Variants in NMS observed in about 807,000 individuals in gnomAD.
NMS encodes the protein neuromedin S, also known as neuromedin-S.
NMS carries 30 observed loss-of-function variants against 32.2 expected under a neutral mutation model. The observed-to-expected ratio is 0.93, with a 90% confidence interval of 0.70 to 1.26. The LOEUF is 1.26. Among genes scored for constraint, NMS ranks in the 50% most tolerant of loss-of-function variants. NMS has a pLI of 0.00. For synonymous variants in NMS, 76 were observed against 58.5 expected, an observed-to-expected ratio of 1.30 and a Z score of -1.37; for missense variants, 190 against 186.3, an observed-to-expected ratio of 1.02 and a Z score of -0.12.
intron 9 of NMS, among the ~76,000 whole-genome samples, chr2:100,482,531 G>T (rs182417675): frequency 9.0e-4 from 137 of 151,870 alleles, no homozygotes; most frequent in African/African-American, 2.9e-3. Context: ...GGGCAATATT[G>T]CAGCCTTCAC....
intron 5 of NMS, among the ~76,000 whole-genome samples, chr2:100,478,314 C>T (rs1473077274): frequency 1.3e-5 from 2 of 152,164 alleles, no homozygotes; most frequent in Non-Finnish European, 2.9e-5. Flanking sequence ...AACTCTACCA[C>T]TAGAAAGTCT....
intron 3 of NMS, among the ~76,000 whole-genome samples, chr2:100,474,819 A>G (rs1221006747): frequency 7.9e-5 from 12 of 152,204 alleles, no homozygotes; most frequent in Admixed American, 7.2e-4. Context: ...TTTACTATGC[A>G]TATGTTTGAA....
At chr2:100,482,409 A>C (rs1341696909) in intron 9 of NMS, 98 bp downstream of exon 9, 23 of 1,159,952 alleles carry the variant, frequency 2.0e-5, no homozygotes, top group Non-Finnish European at 1.4e-5. Flanking sequence ...GGGGAGGACC[A>C]TTGTTCAAGA....
chr2:100,475,333 T>C (rs1677088848), intron 3 of NMS, among the ~76,000 whole-genome samples: 1 of 152,152 alleles, frequency 6.6e-6, no homozygotes, highest in African/African-American at 2.4e-5. Flanking sequence ...AGCTCTAAGT[T>C]CACTCCTGTT....
At position 100,470,518 on chromosome 2, in the gene NMS, C is replaced by T. The variant is rs1676988792; in HGVS notation, c.30C>T (p.Leu10=). The change falls in exon 1 of 10, where the codon CTC becomes CTT. Residue 10 remains leucine (L), a synonymous_variant. Transcript: ENST00000376865. MKHLRPQFP[L]ILAIYCFCML... ...AACATCTTCGTCCCCAGTTCCCTCT[C>T]ATCTTGGCCATCTACTGCTTCTGCA... 6.2e-7 allele frequency: 1 copy of T among 1,613,998 alleles called. No individual in the cohort carries two copies. The highest frequency in any genetic ancestry group is 8.5e-7 in the Non-Finnish European group (1 of 1,179,896).
chr2:100,473,338 A>G (rs1383871621), intron 2 of NMS, 151 bp from the exon 3 acceptor site: 1 of 346,686 alleles, frequency 2.9e-6, no homozygotes, highest in Non-Finnish European at 5.4e-6. Context: ...GAGATATCCC[A>G]TAGATTATGG....
At chr2:100,481,918 C>T (rs1301644072) in intron 8 of NMS, among the ~76,000 whole-genome samples, 1 of 152,206 alleles carries the variant, frequency 6.6e-6, no homozygotes, top group Non-Finnish European at 1.5e-5. Context: ...ATGACCTACT[C>T]GTTTCCTAGA....
At chr2:100,477,490 G>A in intron 5 of NMS, 76 bp downstream of exon 5, 1 of 1,112,816 alleles carries the variant, frequency 9.0e-7, no homozygotes, top group South Asian at 1.4e-5. Flanking sequence ...CTTAATATGT[G>A]CAGACAAGTA....
intron 1 of NMS, 119 bp downstream of exon 1, chr2:100,470,683 CT>C: frequency 1.2e-6 from 1 of 811,758 alleles, no homozygotes; most frequent in South Asian, 1.4e-5. Context: ...GCCAGACCTT[CT>C]TGATTTCTGG....
chr2:100,481,645 A>T (rs1238544796), intron 8 of NMS, among the ~76,000 whole-genome samples: 1 of 152,204 alleles, frequency 6.6e-6, no homozygotes. Context: ...GCACAGAAAA[A>T]ATGAGCAAAT....
At chr2:100,475,999 C>CAAAAAAAAAAAAAAA (rs746460668) in intron 3 of NMS, among the ~76,000 whole-genome samples, 2 of 111,734 alleles carry the variant, frequency 1.8e-5, no homozygotes, top group African/African-American at 3.4e-5. Flanking sequence ...ACCCTATCTC[C>CAAAAAAAAAAAAAAA]AAAAAAAAAA....
chr2:100,476,580 C>T (rs6707948), intron 3 of NMS, among the ~76,000 whole-genome samples: 36,457 of 152,164 alleles, frequency 0.24, 4,562 homozygotes, highest in East Asian at 0.35. Flanking sequence ...TGTGAATGAT[C>T]AGTACGAACC....
intron 3 of NMS, among the ~76,000 whole-genome samples, chr2:100,473,939 A>G (rs527630702): frequency 1.3e-5 from 2 of 152,162 alleles, no homozygotes; most frequent in Middle Eastern, 3.2e-3. Flanking sequence ...GCACTTTGGG[A>G]GGCCGAGCTG....
In NMS at chr2:100,480,534, A is replaced by G. The variant is rs1167715768; in HGVS notation, c.372+3A>G. On this transcript the variant is annotated splice_donor_region_variant and intron_variant, in intron 7 of 9. Coordinates refer to ENST00000376865, the MANE Select transcript of NMS (RefSeq NM_001011717.1). ...CTGCAGTGGACTTCACCAAGAAGGT[A>G]CACAAGAGCCTTGGAGACTGCGACC... is the stretch of plus-strand genomic sequence containing the variant. 6.2e-7 allele frequency: 1 copy of G among 1,612,732 alleles called. No homozygotes were observed. Among genetic ancestry groups the G allele is most frequent in the African/African-American group, 1.3e-5 (1 of 74,874 alleles).
chr2:100,478,811 AAAAC>A (rs1350992098), intron 5 of NMS, among the ~76,000 whole-genome samples: 1 of 152,246 alleles, frequency 6.6e-6, no homozygotes, highest in African/African-American at 2.4e-5. Flanking sequence ...AGAACAATGG[AAAAC>A]AAACAAACAA....
intron 2 of NMS, among the ~76,000 whole-genome samples, 199 bp downstream of exon 2, chr2:100,473,049 G>A (rs1677037546): frequency 6.6e-6 from 1 of 152,174 alleles, no homozygotes; most frequent in African/African-American, 2.4e-5. Flanking sequence ...AGAAAATAAT[G>A]TGAGGTTCAG....
chr2:100,482,159 G>A (rs2104340493), intron 8 of NMS, 118 bp from the exon 9 acceptor site: 2 of 985,940 alleles, frequency 2.0e-6, no homozygotes, highest in South Asian at 1.4e-5. Context: ...ATGGAGGGGA[G>A]TGAAGTCCTA....
intron 3 of NMS, among the ~76,000 whole-genome samples, chr2:100,473,778 A>C (rs1677050612): frequency 6.6e-6 from 1 of 152,096 alleles, no homozygotes; most frequent in South Asian, 2.1e-4. Flanking sequence ...CAATTATTAT[A>C]ATCATGTATA....
chr2:100,479,789 C>T (rs1264847326), intron 6 of NMS, among the ~76,000 whole-genome samples: 5 of 152,256 alleles, frequency 3.3e-5, no homozygotes, highest in Non-Finnish European at 7.3e-5. Context: ...TCTTCTGCTT[C>T]CCATTGCCCT....
Sources: gnomAD v4.1 joint callset for allele counts (sites outside exome capture counted in the v4.1 genomes callset) on GRCh38, gnomAD v4.1.1 for gene constraint, MANE v1.5 for transcripts, NCBI Gene and HGNC (gene_info 2026-07-23, HGNC 2026-07-21) for gene names.